Variants in HACD2 observed in about 807,000 individuals in gnomAD.
HACD2 encodes the protein 3-hydroxyacyl-CoA dehydratase 2.
Under a neutral mutation model 31.0 loss-of-function variants are expected in HACD2, and 15 were observed. The observed-to-expected ratio is 0.48, with a 90% confidence interval of 0.32 to 0.75. HACD2 has a LOEUF of 0.75. Among genes scored for constraint, HACD2 ranks in the 30% least tolerant of loss-of-function variants. HACD2 has a pLI of 0.03. For synonymous variants in HACD2, 115 were observed against 122.2 expected (o/e 0.94, Z 0.39); for missense variants, 283 against 313.0 (o/e 0.90, Z 0.72).
intron 3 of HACD2, among the ~76,000 whole-genome samples, chr3:123,545,992 T>G (rs908969852): frequency 2.6e-5 from 4 of 152,052 alleles, no homozygotes; most frequent in Non-Finnish European, 5.9e-5. Context: ...ATTACAAGAA[T>G]GAACCACCGT....
intron 4 of HACD2, among the ~76,000 whole-genome samples, chr3:123,504,873 A>T (rs1312366056): frequency 2.5e-5 from 2 of 78,712 alleles, no homozygotes; most frequent in African/African-American, 1.0e-4. Flanking sequence ...TACAACCAAT[A>T]ACTCAAAATG....
At chr3:123,551,952 A>G (rs1559924790) in intron 3 of HACD2, among the ~76,000 whole-genome samples, 1 of 152,194 alleles carries the variant, frequency 6.6e-6, no homozygotes, top group Non-Finnish European at 1.5e-5. Flanking sequence ...CTTCAGCACA[A>G]TTAATTGACA....
At chr3:123,522,449 T>C (rs1387121138) in intron 4 of HACD2, among the ~76,000 whole-genome samples, 1 of 151,994 alleles carries the variant, frequency 6.6e-6, no homozygotes, top group Non-Finnish European at 1.5e-5. Flanking sequence ...AGGAAAATGT[T>C]GGAAAGGGAC....
intron 6 of HACD2, chr3:123,499,611 G>A (rs190447627): frequency 8.8e-6 from 4 of 456,488 alleles, no homozygotes; most frequent in Admixed American, 7.0e-5. Context: ...GCCATGCAAT[G>A]AGGAGAAGTC....
At chr3:123,507,857 A>G (rs1282484904) in intron 4 of HACD2, among the ~76,000 whole-genome samples, 1 of 152,182 alleles carries the variant, frequency 6.6e-6, no homozygotes, top group Non-Finnish European at 1.5e-5. Context: ...TTAATTATAC[A>G]CTTAACATGG....
intron 2 of HACD2, among the ~76,000 whole-genome samples, chr3:123,573,580 T>C (rs1171134973): frequency 6.6e-6 from 1 of 152,196 alleles, no homozygotes; most frequent in Non-Finnish European, 1.5e-5. Context: ...AGTCTAACTG[T>C]GGAGTTCAGT....
intron 4 of HACD2, among the ~76,000 whole-genome samples, chr3:123,521,252 C>T (rs2056210917): frequency 6.6e-6 from 1 of 152,104 alleles, no homozygotes; most frequent in Non-Finnish European, 1.5e-5. Flanking sequence ...TTTTAGAAGG[C>T]TAACCAAAAT....
chr3:123,500,492 T>C, intron 6 of HACD2, 23 bp downstream of exon 6: 1 of 1,492,930 alleles, frequency 6.7e-7, no homozygotes, highest in Non-Finnish European at 9.2e-7. Context: ...CATAATTAAA[T>C]ATACGCATAA....
Position 123,552,569 on chromosome 3 carries a change from G to C in HACD2, c.292+15193C>G, listed in dbSNP as rs551523716. 3.3e-5 allele frequency among the ~76,000 whole-genome samples: 5 copies of C among 152,146 alleles called. No homozygotes were observed. The East Asian group carries it at 9.7e-4, about 29-fold the overall frequency. On this transcript the variant is annotated intron_variant, in intron 3 of 6. Transcript: ENST00000383657. ...CAACTATACAAAACCATTTTCAGGA[G>C]AAAATAGAAAAAGAAGATCAAAACA...
chr3:123,498,261 A>G (rs1204769494), intron 6 of HACD2, among the ~76,000 whole-genome samples: 4 of 152,262 alleles, frequency 2.6e-5, no homozygotes, highest in African/African-American at 9.6e-5. Context: ...CCGGTCTACA[A>G]GAGGTTAGCT....
chr3:123,552,701 T>C (rs1453807990), intron 3 of HACD2, among the ~76,000 whole-genome samples: 2 of 151,778 alleles, frequency 1.3e-5, no homozygotes, highest in African/African-American at 2.4e-5. Context: ...ATGAAAAAAA[T>C]ACATGTTTAA....
At chr3:123,516,224 G>A (rs1214948836) in intron 4 of HACD2, among the ~76,000 whole-genome samples, 7 of 137,586 alleles carry the variant, frequency 5.1e-5, no homozygotes, top group African/African-American at 1.8e-4. Context: ...AGAGAATAAT[G>A]TGCAACATAT....
chr3:123,577,921 T>C (rs1378018277), intron 2 of HACD2, among the ~76,000 whole-genome samples: 2 of 152,210 alleles, frequency 1.3e-5, no homozygotes, highest in Admixed American at 1.3e-4. Context: ...TTTTAAACTG[T>C]ACAATCTAGT....
chr3:123,576,843 G>A (rs1174593047), intron 2 of HACD2, among the ~76,000 whole-genome samples: 1 of 152,206 alleles, frequency 6.6e-6, no homozygotes, highest in Non-Finnish European at 1.5e-5. Flanking sequence ...GACACTGCAA[G>A]TTTCTAAGAC....
At chr3:123,567,544 A>C (rs902131762) in intron 3 of HACD2, among the ~76,000 whole-genome samples, 6 of 152,200 alleles carry the variant, frequency 3.9e-5, no homozygotes, top group Non-Finnish European at 7.3e-5. Flanking sequence ...AACAGAACAA[A>C]ATAGCTGTGA....
At chr3:123,569,090 G>C (rs1229848198) in intron 2 of HACD2, among the ~76,000 whole-genome samples, 2 of 152,142 alleles carry the variant, frequency 1.3e-5, no homozygotes, top group African/African-American at 4.8e-5. Flanking sequence ...CTCAATTTGT[G>C]GGGGAGGGAT....
At chr3:123,514,906 T>C (rs2056114085) in intron 4 of HACD2, among the ~76,000 whole-genome samples, 1 of 152,244 alleles carries the variant, frequency 6.6e-6, no homozygotes, top group Admixed American at 6.5e-5. Context: ...TTAGTATGTA[T>C]AAAGAACATA....
Position 123,522,332 on chromosome 3 carries a change from C to CAAAA in HACD2, c.381+6050_381+6053dup, listed in dbSNP as rs34478912. Among the ~76,000 whole-genome samples, 14 of 116,906 alleles carry CAAAA rather than the reference C, an allele frequency of 1.2e-4. 1 individual carries two copies. Among genetic ancestry groups the CAAAA allele is most frequent in the East Asian group, 2.5e-4 (1 of 3,946 alleles). 76.7% of individuals were successfully genotyped at this position (116,906 alleles called of 152,430 possible). On this transcript the variant is annotated intron_variant, in intron 4 of 6. Coordinates refer to ENST00000383657, the MANE Select transcript of HACD2 (RefSeq NM_198402.5). ...GACAGAGCAGGACCCTGTCTCCAAA[C>CAAAA]AAAAAAAAAAAAAAAAAGAGAGAGA...
chr3:123,497,985 G>A (rs1032575272), intron 6 of HACD2, among the ~76,000 whole-genome samples: 1 of 152,218 alleles, frequency 6.6e-6, no homozygotes, highest in African/African-American at 2.4e-5. Context: ...TCCTAATTCT[G>A]CATTTTCTTC....
Sources: gnomAD v4.1 joint callset for allele counts (sites outside exome capture counted in the v4.1 genomes callset) on GRCh38, gnomAD v4.1.1 for gene constraint, MANE v1.5 for transcripts, NCBI Gene and HGNC (gene_info 2026-07-23, HGNC 2026-07-21) for gene names.